Variants in CNTN3 observed in about 807,000 individuals in gnomAD.
The protein encoded by CNTN3 is contactin 3.
Under a neutral mutation model 119.1 loss-of-function variants are expected in CNTN3, and 60 were observed. That is an observed-to-expected ratio of 0.50 (90% CI 0.41 to 0.62). The LOEUF (loss-of-function observed/expected upper bound fraction) is 0.62. Ranked by LOEUF, CNTN3 falls within the 20% of genes least tolerant of loss-of-function variation. The pLI is 0.00. For missense variants in CNTN3, 1,101 were observed against 1,242.4 expected (o/e 0.89, Z 1.71); for synonymous variants, 450 against 438.7 (o/e 1.03, Z -0.32).
At chr3:74,570,417 T>C (rs1704294398) in intron 1 of CNTN3, among the ~76,000 whole-genome samples, 1 of 152,008 alleles carries the variant, frequency 6.6e-6, no homozygotes, top group African/African-American at 2.4e-5. Flanking sequence ...GCAAAGAAAG[T>C]TGAAATCAAG....
intron 5 of CNTN3, among the ~76,000 whole-genome samples, chr3:74,372,194 C>T (rs1559568881): frequency 6.6e-6 from 1 of 152,072 alleles, no homozygotes; most frequent in East Asian, 1.9e-4. Context: ...GTTTTTATTT[C>T]ACCTGCCCTT....
chr3:74,507,921 C>T lies in CNTN3; in HGVS notation c.56-8136G>A, dbSNP rs1000044460. ...TGCTAGGATTATAGGCATGAGCCAC[C>T]GCGCCTGGCCTCCCTGTTTCTTTTC... On this transcript the variant is annotated intron_variant, in intron 2 of 22. Transcript: ENST00000263665. Among the ~76,000 whole-genome samples, 30 of 152,016 alleles carry T rather than the reference C, an allele frequency of 2.0e-4. 1 individual carries two copies. Among genetic ancestry groups the T allele is most frequent in the African/African-American group, 2.7e-4 (11 of 41,384 alleles).
At chr3:74,328,243 C>G (rs1703176770) in intron 13 of CNTN3, among the ~76,000 whole-genome samples, 1 of 152,024 alleles carries the variant, frequency 6.6e-6, no homozygotes, top group Non-Finnish European at 1.5e-5. Context: ...AGTCTTATTT[C>G]TTACTAGTTC....
intron 5 of CNTN3, among the ~76,000 whole-genome samples, chr3:74,412,670 C>T (rs183649234): frequency 1.1e-4 from 16 of 152,220 alleles, no homozygotes; most frequent in Admixed American, 9.2e-4. Context: ...CACCTTCAAA[C>T]CATGTAGTGT....
At chr3:74,406,183 C>A (rs905879570) in intron 5 of CNTN3, among the ~76,000 whole-genome samples, 3 of 152,038 alleles carry the variant, frequency 2.0e-5, no homozygotes, top group African/African-American at 4.8e-5. Context: ...ATGTATCATA[C>A]AAGACAAACA....
chr3:74,270,736 T>C (rs1339002585), intron 20 of CNTN3, among the ~76,000 whole-genome samples: 1 of 152,196 alleles, frequency 6.6e-6, no homozygotes, highest in Non-Finnish European at 1.5e-5. Context: ...CAGAATAGGA[T>C]GATTGAGTTC....
At chr3:74,383,151 A>T (rs1427060353) in intron 5 of CNTN3, among the ~76,000 whole-genome samples, 1 of 152,118 alleles carries the variant, frequency 6.6e-6, no homozygotes, top group Non-Finnish European at 1.5e-5. Flanking sequence ...CCTTTATTCT[A>T]CTCATACCCT....
Position 74,614,444 on chromosome 3 carries a change from G to GCCGCCGCCGCCGCCA in CNTN3, c.-135_-134insTGGCGGCGGCGGCGG, listed in dbSNP as rs1459698998. ...CCCCGACGGCCCACTCGCCGCCGCC[G>GCCGCCGCCGCCGCCA]CCGCCGCCGCCGCCGCCGCCACCGC... is the stretch of plus-strand genomic sequence containing the variant. On this transcript the variant is annotated 5_prime_UTR_variant, in exon 1 of 23. Coordinates refer to ENST00000263665, the MANE Select transcript of CNTN3 (RefSeq NM_020872.3). Among the ~76,000 whole-genome samples, 6 of 137,520 alleles carry GCCGCCGCCGCCGCCA rather than the reference G, an allele frequency of 4.4e-5. No homozygotes were observed. The highest frequency in any genetic ancestry group is 1.4e-4 in the Admixed American group (2 of 14,438). 90.2% of individuals were successfully genotyped at this position (137,520 alleles called of 152,430 possible). A position where few individuals can be genotyped will look rare whatever the true frequency, so the allele number is the denominator to read the frequency against.
At chr3:74,560,899 T>C (rs1190869664) in intron 1 of CNTN3, among the ~76,000 whole-genome samples, 1 of 151,466 alleles carries the variant, frequency 6.6e-6, no homozygotes, top group East Asian at 1.9e-4. Context: ...CTGGAAACCA[T>C]CATTCTCAGC....
At chr3:74,567,603 A>C (rs1243816554) in intron 1 of CNTN3, among the ~76,000 whole-genome samples, 1 of 152,048 alleles carries the variant, frequency 6.6e-6, no homozygotes, top group Non-Finnish European at 1.5e-5. Context: ...CAGATTTGCT[A>C]CTAGGGAGCA....
At chr3:74,343,452 A>G (rs534906224) in intron 11 of CNTN3, among the ~76,000 whole-genome samples, 2 of 152,372 alleles carry the variant, frequency 1.3e-5, no homozygotes, top group South Asian at 4.1e-4. Flanking sequence ...CCTTCTACTT[A>G]GAGACTAGAA....
intron 1 of CNTN3, among the ~76,000 whole-genome samples, chr3:74,555,777 A>G (rs1318649801): frequency 6.6e-6 from 1 of 151,882 alleles, no homozygotes; most frequent in Non-Finnish European, 1.5e-5. Context: ...ATCATTTTTT[A>G]TTGCATGTAT....
intron 20 of CNTN3, 83 bp downstream of exon 20, chr3:74,285,222 G>A: frequency 1.4e-6 from 2 of 1,380,160 alleles, no homozygotes; most frequent in Non-Finnish European, 2.0e-6. Context: ...GACTTGGGTT[G>A]TCCATTTCAA....
chr3:74,510,930 G>C (rs1220163832), intron 2 of CNTN3, among the ~76,000 whole-genome samples: 1 of 151,924 alleles, frequency 6.6e-6, no homozygotes, highest in African/African-American at 2.4e-5. Context: ...TTTTCAGATA[G>C]AACCTGGGCT....
chr3:74,369,651 A>C (rs575460884), intron 7 of CNTN3, among the ~76,000 whole-genome samples: 31 of 151,744 alleles, frequency 2.0e-4, no homozygotes, highest in African/African-American at 5.8e-4. Context: ...AAAAAAAAAA[A>C]CCCACCAATT....
At chr3:74,325,521 GA>G (rs1350975090) in intron 13 of CNTN3, among the ~76,000 whole-genome samples, 3 of 152,092 alleles carry the variant, frequency 2.0e-5, no homozygotes, top group Non-Finnish European at 4.4e-5. Context: ...TTAAAAAAAT[GA>G]AGGAAAAACT....
At chr3:74,567,760 A>G (rs1704249982) in intron 1 of CNTN3, among the ~76,000 whole-genome samples, 1 of 152,174 alleles carries the variant, frequency 6.6e-6, no homozygotes, top group South Asian at 2.1e-4. Context: ...TACACAGTTA[A>G]ACAAAAACAA....
chr3:74,473,915 A>C (rs1203538072), intron 4 of CNTN3, among the ~76,000 whole-genome samples: 1 of 152,204 alleles, frequency 6.6e-6, no homozygotes, highest in Admixed American at 6.5e-5. Flanking sequence ...CCCTTGGAAC[A>C]AAGGTAATGA....
At chr3:74,400,776 T>C (rs1328112131) in intron 5 of CNTN3, among the ~76,000 whole-genome samples, 3 of 152,190 alleles carry the variant, frequency 2.0e-5, no homozygotes, top group African/African-American at 4.8e-5. Context: ...TGCTGGTAAC[T>C]ACCTTGAGTT....
Sources: gnomAD v4.1 joint callset for allele counts (sites outside exome capture counted in the v4.1 genomes callset) on GRCh38, gnomAD v4.1.1 for gene constraint, MANE v1.5 for transcripts, NCBI Gene and HGNC (gene_info 2026-07-23, HGNC 2026-07-21) for gene names.